NOS1: variants seen among roughly 807,000 people sequenced by gnomAD.
NOS1 encodes the protein NOS type I.
A neutral mutation model predicts 164.5 loss-of-function variants in NOS1; 51 were observed. That is an observed-to-expected ratio of 0.31 (90% CI 0.25 to 0.39). The LOEUF (loss-of-function observed/expected upper bound fraction) is 0.39. NOS1 is among the 10% of genes least tolerant of loss of function. The pLI, the probability that NOS1 is intolerant of heterozygous loss-of-function variation, is 1.00. For synonymous variants in NOS1, 719 were observed against 745.8 expected, an observed-to-expected ratio of 0.96 and a Z score of 0.59; for missense variants, 1,362 against 1,885.6, an observed-to-expected ratio of 0.72 and a Z score of 5.14.
chr12:117,280,700 G>A lies in NOS1; in HGVS notation c.1524+25C>T, dbSNP rs759073002. ...GGACATAAGAGCCCATGTTGGGGCA[G>A]GGTAGGGGGCGGAAACGCTCGCACC... On this transcript the variant is annotated intron_variant, in intron 8 of 28. Coordinates refer to ENST00000317775, the MANE Select transcript of NOS1 (RefSeq NM_000620.5). 1.2e-4 allele frequency: 185 copies of A among 1,607,084 alleles called. 2 individuals carry two copies. The South Asian group carries it at 1.6e-3, about 14-fold the overall frequency.
chr12:117,260,690 A>AC, intron 13 of NOS1, 81 bp from the exon 14 acceptor site: 1 of 1,454,784 alleles, frequency 6.9e-7, no homozygotes, highest in Non-Finnish European at 9.4e-7. Context: ...TCGTGCAAGA[A>AC]CCAGGATCCA....
intron 2 of NOS1, among the ~76,000 whole-genome samples, chr12:117,313,513 C>T (rs1874533089): frequency 6.6e-6 from 1 of 152,160 alleles, no homozygotes; most frequent in African/African-American, 2.4e-5. Context: ...GCAAGCTGGT[C>T]TCAAACTCCC....
At position 117,213,975 on chromosome 12, in the gene NOS1, G is replaced by A; in HGVS notation, c.*1334C>T. 2 of 984,526 alleles carry A rather than the reference G, an allele frequency of 2.0e-6. No homozygotes were observed. Among genetic ancestry groups the A allele is most frequent in the South Asian group, 4.7e-5 (1 of 21,222 alleles). The allele number at this position is 984,526 out of a possible 1,614,324, so 61.0% of individuals were successfully genotyped here. The stretch of plus-strand genomic sequence containing the variant: ...TGCCCATTTTTGATCTGAGTTGAGG[G>A]TAACTTATTTGTCAAAATTAATTTA... On this transcript the variant is annotated 3_prime_UTR_variant, in exon 29 of 29. Coordinates refer to ENST00000317775, the MANE Select transcript of NOS1 (RefSeq NM_000620.5).
intron 10 of NOS1, among the ~76,000 whole-genome samples, chr12:117,268,473 C>G (rs1178719288): frequency 6.6e-6 from 1 of 152,260 alleles, no homozygotes; most frequent in East Asian, 1.9e-4. Flanking sequence ...CTCAAGTGAT[C>G]CACCCACCTT....
At chr12:117,308,838 GCCTC>G in intron 3 of NOS1, among the ~76,000 whole-genome samples, 1 of 151,994 alleles carries the variant, frequency 6.6e-6, no homozygotes, top group East Asian at 1.9e-4. Flanking sequence ...CTCGTGATTT[GCCTC>G]CCTCGGCCTC....
intron 11 of NOS1, among the ~76,000 whole-genome samples, chr12:117,266,607 G>A (rs1370493983): frequency 1.3e-5 from 2 of 150,420 alleles, no homozygotes; most frequent in African/African-American, 2.5e-5. Flanking sequence ...GTGCAATCTC[G>A]GCTCGCCGCA....
At chr12:117,224,378 C>T (rs368800607) in intron 25 of NOS1, among the ~76,000 whole-genome samples, 13 of 152,246 alleles carry the variant, frequency 8.5e-5, no homozygotes, top group Middle Eastern at 3.4e-3. Context: ...CTCCGCCTCC[C>T]GGGTTCACGC....
chr12:117,317,819 C>T (rs538327159), intron 2 of NOS1, among the ~76,000 whole-genome samples: 1 of 152,180 alleles, frequency 6.6e-6, no homozygotes, highest in African/African-American at 2.4e-5. Context: ...ATCAGGTGGT[C>T]ACATTTGGTG....
At chr12:117,319,456 A>G (rs1874813388) in intron 2 of NOS1, among the ~76,000 whole-genome samples, 1 of 152,158 alleles carries the variant, frequency 6.6e-6, no homozygotes, top group Admixed American at 6.5e-5. Flanking sequence ...TGCTAATATC[A>G]CCAAAGCTGG....
Position 117,226,760 on chromosome 12 carries a change from T to G in NOS1, c.3627A>C (p.Gly1209=). The G allele has an allele frequency of 6.2e-7, 1 of 1,613,804 alleles. No individual in the cohort carries two copies. Among genetic ancestry groups the G allele is most frequent in the East Asian group, 2.2e-5 (1 of 44,868 alleles). ...IVSYRTRDGE[G]PIHHGVCSSW... is the part of the protein sequence containing the mutation. ...AGGAGCATACGCCGTGGTGAATTGGTCCTTCTCCATCTAGTAGAATAACCA... is the reference window on the plus strand; with the variant it reads ...AGGAGCATACGCCGTGGTGAATTGGGCCTTCTCCATCTAGTAGAATAACCA... Residue 1209 remains glycine (G), a synonymous_variant, in exon 24 of 29, where the codon GGA becomes GGC. Transcript: ENST00000317775.
At chr12:117,257,375 G>A (rs1871544916) in intron 16 of NOS1, among the ~76,000 whole-genome samples, 1 of 152,088 alleles carries the variant, frequency 6.6e-6, no homozygotes, top group African/African-American at 2.4e-5. Flanking sequence ...GAGCCACCGT[G>A]CCCAGCCATC....
chr12:117,218,898 G>A (rs531899258), intron 27 of NOS1, among the ~76,000 whole-genome samples: 9 of 152,026 alleles, frequency 5.9e-5, no homozygotes, highest in South Asian at 2.1e-4. Context: ...GGGAGTGTGC[G>A]TCTGGCAAGG....
chr12:117,331,702 C>T (rs376391089), intron 1 of NOS1, among the ~76,000 whole-genome samples: 1 of 152,326 alleles, frequency 6.6e-6, no homozygotes, highest in Middle Eastern at 3.4e-3. Context: ...CCTAGTTTCA[C>T]TTCCATGATC....
At chr12:117,253,799 CTCCTG>C in intron 16 of NOS1, 45 bp from the exon 17 acceptor site, 2 of 1,341,376 alleles carry the variant, frequency 1.5e-6, no homozygotes, top group Non-Finnish European at 2.1e-6. Context: ...CTGGAGCTCC[CTCCTG>C]AGGTCAACAC....
At position 117,290,531 on chromosome 12, in the gene NOS1, T is replaced by C; in HGVS notation, c.853-105A>G. 4.4e-6 allele frequency: 6 copies of C among 1,355,416 alleles called. No homozygotes were observed. In the Admixed American group the frequency reaches 1.4e-4, roughly 32 times the overall value. The allele number at this position is 1,355,416 out of a possible 1,614,324, so 84.0% of individuals were successfully genotyped here. The stretch of plus-strand genomic sequence containing the variant: ...CCATTGTTCTTCCTGGGATCTGCCT[T>C]GAGTGACCAACTGTCTACATCCAGA... On this transcript the variant is annotated intron_variant, in intron 3 of 28. Transcript: ENST00000317775.
intron 1 of NOS1, among the ~76,000 whole-genome samples, chr12:117,351,079 A>ACT (rs894991354): frequency 6.6e-6 from 1 of 151,700 alleles, no homozygotes; most frequent in African/African-American, 2.4e-5. Context: ...GCGCCACTGC[A>ACT]CTCCAGCCTG....
intron 20 of NOS1, among the ~76,000 whole-genome samples, chr12:117,237,928 G>A (rs990207627): frequency 1.3e-5 from 2 of 152,146 alleles, no homozygotes; most frequent in Non-Finnish European, 2.9e-5. Flanking sequence ...AGCAGGCTAT[G>A]TCAGACAGGA....
chr12:117,327,477 C>T (rs1338921546), intron 2 of NOS1, among the ~76,000 whole-genome samples: 1 of 152,202 alleles, frequency 6.6e-6, no homozygotes, highest in Non-Finnish European at 1.5e-5. Context: ...ACTGGATGTG[C>T]TGCTGGAGGG....
chr12:117,314,826 C>T (rs779345745), intron 2 of NOS1, among the ~76,000 whole-genome samples: 1 of 152,120 alleles, frequency 6.6e-6, no homozygotes, highest in African/African-American at 2.4e-5. Context: ...AGGCTGGTCT[C>T]GAGCTCCTGA....
Sources: allele counts gnomAD v4.1 joint callset (sites outside exome capture counted in the v4.1 genomes callset), GRCh38; gene constraint gnomAD v4.1.1; transcripts MANE v1.5; gene names NCBI Gene and HGNC (gene_info 2026-07-23, HGNC 2026-07-21).